Variants in FAHD2A observed in about 807,000 individuals in gnomAD.
FAHD2A encodes the protein fumarylacetoacetate hydrolase domain containing 2A.
A neutral mutation model predicts 33.4 loss-of-function variants in FAHD2A; 27 were observed. The ratio of observed to expected loss-of-function variants is 0.81; its 90% CI spans 0.60 to 1.11. FAHD2A has a LOEUF of 1.11. Ranked by LOEUF, FAHD2A falls within the 50% of genes most tolerant of loss-of-function variation. The probability of loss-of-function intolerance (pLI) is 0.00; values close to 1 mark genes in which losing one functional copy is unlikely to be tolerated. For missense variants in FAHD2A, 296 were observed against 395.0 expected (o/e 0.75, Z 2.12); for synonymous variants, 130 against 153.3 (o/e 0.85, Z 1.12).
In FAHD2A at chr2:95,416,307, G is replaced by A. The variant is rs915957922; in HGVS notation, c.*3350G>A. The A allele has an allele frequency of 6.6e-6, 1 of 152,282 alleles. No individual in the cohort carries two copies. The highest frequency in any genetic ancestry group is 1.5e-5 in the Non-Finnish European group (1 of 68,104). 9.4% of individuals were successfully genotyped at this position (152,282 alleles called of 1,614,324 possible). A position where few individuals can be genotyped will look rare whatever the true frequency, so the allele number is the denominator to read the frequency against. On this transcript the variant is annotated 3_prime_UTR_variant, in exon 8 of 8. Transcript: ENST00000233379. ...AATGAGTCCATATGCAGTGAGTACC[G>A]TGTTGAGGGAGGACAAGGTCACCAA... is the stretch of plus-strand genomic sequence containing the variant.
In FAHD2A at chr2:95,413,892, G is replaced by A. The variant is rs1682899162; in HGVS notation, c.*935G>A. The A allele has an allele frequency of 1.1e-6, 1 of 949,532 alleles. No individual in the cohort carries two copies. Among genetic ancestry groups the A allele is most frequent in the Non-Finnish European group, 1.7e-6 (1 of 580,792 alleles). The allele number at this position is 949,532 out of a possible 1,614,324, so 58.8% of individuals were successfully genotyped here. On this transcript the variant is annotated 3_prime_UTR_variant, in exon 8 of 8. Transcript: ENST00000233379. ...TGTGGGGTGATGGGAACATAGCTGG[G>A]TTTCCCTGAGCCACTCTATTGGGGT...
At chr2:95,410,420 A>C in intron 3 of FAHD2A, 107 bp from the exon 4 acceptor site, 1 of 1,431,358 alleles carries the variant, frequency 7.0e-7, no homozygotes, top group Non-Finnish European at 9.5e-7. Context: ...ATGGCAGCGA[A>C]GCCATACTGA....
chr2:95,406,897 A>C (rs1336145854), intron 2 of FAHD2A, 44 bp from the exon 3 acceptor site: 1 of 1,553,760 alleles, frequency 6.4e-7, no homozygotes, highest in Admixed American at 1.9e-5. Flanking sequence ...GGGATTGCCC[A>C]CCTGTTCCCA....
At chr2:95,404,414 C>T (rs1276940734) in intron 1 of FAHD2A, among the ~76,000 whole-genome samples, 1 of 152,080 alleles carries the variant, frequency 6.6e-6, no homozygotes, top group Non-Finnish European at 1.5e-5. Context: ...GTGTCTCAGC[C>T]TCCCTAGTAG....
rs1337670109 is a variant in FAHD2A, at chr2:95,413,964, A to G, written c.*1007A>G. 5 of 1,356,966 alleles carry G rather than the reference A, an allele frequency of 3.7e-6. No individual in the cohort carries two copies. In the African/African-American group the frequency reaches 5.7e-5, roughly 16 times the overall value. The allele number at this position is 1,356,966 out of a possible 1,614,324, so 84.1% of individuals were successfully genotyped here. ...GGTGACACTGGCTCCTCTCACCCCT[A>G]GGTCTCTGAAGGTCCAGATAGCACT... is the stretch of plus-strand genomic sequence containing the variant. On this transcript the variant is annotated 3_prime_UTR_variant, in exon 8 of 8. Transcript: ENST00000233379.
chr2:95,417,774 A>G (rs1331660770), downstream of FAHD2A, among the ~76,000 whole-genome samples: 1 of 152,060 alleles, frequency 6.6e-6, no homozygotes, highest in African/African-American at 2.4e-5. Context: ...AAGAATGAGA[A>G]TGAGAGGAAG....
chr2:95,413,086 A>G lies in FAHD2A; in HGVS notation c.*129A>G. 1 of 1,261,400 alleles carries G rather than the reference A, an allele frequency of 7.9e-7. No homozygotes were observed. 78.1% of individuals were successfully genotyped at this position (1,261,400 alleles called of 1,614,324 possible). On this transcript the variant is annotated 3_prime_UTR_variant, in exon 8 of 8. Transcript: ENST00000233379. The stretch of plus-strand genomic sequence containing the variant: ...AAGCCGCCTCTTCTCGGTAGAAGGG[A>G]GAAGGACAGAGCTCTCTTCAATAAA...
downstream of FAHD2A, among the ~76,000 whole-genome samples, chr2:95,420,348 G>T (rs558037770): frequency 1.3e-5 from 2 of 152,188 alleles, no homozygotes; most frequent in Admixed American, 1.3e-4. Context: ...TGTAGGATTT[G>T]CAAGGAGAAA....
In FAHD2A at chr2:95,416,072, A is replaced by T. The variant is rs1683140898; in HGVS notation, c.*3115A>T. 6.6e-6 allele frequency: 1 copy of T among 152,146 alleles called. No individual in the cohort carries two copies. Among genetic ancestry groups the T allele is most frequent in the Non-Finnish European group, 1.5e-5 (1 of 68,018 alleles). The allele number at this position is 152,146 out of a possible 1,614,324, so 9.4% of individuals were successfully genotyped here. A position where few individuals can be genotyped will look rare whatever the true frequency, so the allele number is the denominator to read the frequency against. ...TGGCCGCTGGGCCCTGCTGTTCTAC[A>T]TGGGAGCAAGACAGCTGCTAGGTGA... On this transcript the variant is annotated 3_prime_UTR_variant, in exon 8 of 8. Transcript: ENST00000233379.
chr2:95,414,083 TC>T lies in FAHD2A; in HGVS notation c.*1128del, dbSNP rs1682922488. On this transcript the variant is annotated 3_prime_UTR_variant, in exon 8 of 8. Coordinates refer to ENST00000233379, the MANE Select transcript of FAHD2A (RefSeq NM_016044.3). Reference sequence around the variant, plus strand: ...GGGAGACACTGGGCACAGGCTTCTCTCCTCTTGTTTAAAGAAGCCCAGGGAG... The same window carrying T: ...GGGAGACACTGGGCACAGGCTTCTCTCTCTTGTTTAAAGAAGCCCAGGGAG... 21 of 1,413,392 alleles carry T rather than the reference TC, an allele frequency of 1.5e-5. 1 individual carries two copies. In the South Asian group the frequency reaches 2.1e-4, roughly 14 times the overall value. The allele number at this position is 1,413,392 out of a possible 1,614,324, so 87.6% of individuals were successfully genotyped here. A position where few individuals can be genotyped will look rare whatever the true frequency, so the allele number is the denominator to read the frequency against.
At chr2:95,420,486 T>A (rs867384670), downstream of FAHD2A, among the ~76,000 whole-genome samples, 1 of 151,898 alleles carries the variant, frequency 6.6e-6, no homozygotes, top group Middle Eastern at 3.4e-3. Context: ...CTGGATTGCA[T>A]CATCCAGTCC....
chr2:95,410,584 A>G lies in FAHD2A; in HGVS notation c.520A>G (p.Lys174Glu). Residue 174 changes from lysine to glutamate, a missense_variant and splice_region_variant, in exon 4 of 8, where the codon AAG becomes GAG. Transcript: ENST00000233379. ...VVIGKKGKHI[K>E]ATDAMAHVAG... Reference sequence around the variant, plus strand: ...CATTGGAAAGAAAGGCAAGCACATCAAGGTGAGGTGGAAAGGGTGGGCTCC... The same window carrying G: ...CATTGGAAAGAAAGGCAAGCACATCGAGGTGAGGTGGAAAGGGTGGGCTCC... 1.2e-6 allele frequency: 2 copies of G among 1,613,332 alleles called. No individual in the cohort carries two copies.
chr2:95,409,761 T>G (rs536790186), intron 3 of FAHD2A, among the ~76,000 whole-genome samples: 1 of 152,384 alleles, frequency 6.6e-6, no homozygotes, highest in Admixed American at 6.5e-5. Flanking sequence ...TTACATTCTT[T>G]AGGTGACCTC....
chr2:95,409,161 C>T (rs1412146911), intron 3 of FAHD2A, among the ~76,000 whole-genome samples: 2 of 151,934 alleles, frequency 1.3e-5, no homozygotes, highest in African/African-American at 4.8e-5. Context: ...TCACTAGGTC[C>T]CTCCATTGTG....
In FAHD2A at chr2:95,412,426, C is replaced by A. The variant is rs1353958907; in HGVS notation, c.686-8C>A. Reference sequence around the variant, plus strand: ...GGATAACTCCAAGGTACCATCTTTGCATTTCAGATCCACACAACTTAAAGA... The same window carrying A: ...GGATAACTCCAAGGTACCATCTTTGAATTTCAGATCCACACAACTTAAAGA... On this transcript the variant is annotated splice_region_variant and splice_polypyrimidine_tract_variant and intron_variant, in intron 5 of 7. Transcript: ENST00000233379. 3.7e-6 allele frequency: 6 copies of A among 1,613,696 alleles called. No homozygotes were observed. Among genetic ancestry groups the A allele is most frequent in the Non-Finnish European group, 5.1e-6 (6 of 1,179,840 alleles).
At chr2:95,403,839 T>G (rs1208528842) in intron 1 of FAHD2A, among the ~76,000 whole-genome samples, 5 of 152,236 alleles carry the variant, frequency 3.3e-5, no homozygotes, top group African/African-American at 1.2e-4. Flanking sequence ...TCAGACATTG[T>G]AGGTAGAGCA....
At chr2:95,408,853 C>T (rs1478876551) in intron 3 of FAHD2A, among the ~76,000 whole-genome samples, 3 of 152,158 alleles carry the variant, frequency 2.0e-5, no homozygotes, top group African/African-American at 7.2e-5. Context: ...GTGAAAACCA[C>T]GATACAGAAA....
downstream of FAHD2A, among the ~76,000 whole-genome samples, chr2:95,419,435 A>G (rs1408708239): frequency 6.6e-6 from 1 of 152,042 alleles, no homozygotes; most frequent in African/African-American, 2.4e-5. Context: ...GAGGAAGAAA[A>G]AGATTAAAAG....
downstream of FAHD2A, among the ~76,000 whole-genome samples, chr2:95,420,250 T>C (rs999451370): frequency 6.6e-6 from 1 of 152,036 alleles, no homozygotes; most frequent in Non-Finnish European, 1.5e-5. Context: ...CACCCCATGG[T>C]CTAATCAAGT....
Sources: allele counts gnomAD v4.1 joint callset (sites outside exome capture counted in the v4.1 genomes callset), GRCh38; gene constraint gnomAD v4.1.1; transcripts MANE v1.5; gene names NCBI Gene and HGNC (gene_info 2026-07-23, HGNC 2026-07-21).